The following NRG3 variants were observed in gnomAD, a reference collection of about 807,000 sequenced individuals.
NRG3 encodes neuregulin 3.
Under a neutral mutation model 66.9 loss-of-function variants are expected in NRG3, and 31 were observed. The observed-to-expected ratio is 0.46, with a 90% CI of 0.35 to 0.63. NRG3 has a LOEUF of 0.63. Ranked by LOEUF, NRG3 falls within the 20% of genes least tolerant of loss-of-function variation. The pLI is 0.00. For synonymous variants in NRG3, 393 were observed against 359.4 expected, an observed-to-expected ratio of 1.09 and a Z score of -1.06; for missense variants, 910 against 878.9, an observed-to-expected ratio of 1.04 and a Z score of -0.45.
chr10:82,718,147 C>T (rs1312406786), intron 2 of NRG3, among the ~76,000 whole-genome samples: 5 of 152,188 alleles, frequency 3.3e-5, no homozygotes, highest in Non-Finnish European at 5.9e-5. Context: ...ATCTGGTACA[C>T]CCACTGGCTT....
chr10:82,721,068 TTTTA>T (rs1053104853), intron 2 of NRG3, among the ~76,000 whole-genome samples: 8 of 150,480 alleles, frequency 5.3e-5, no homozygotes, highest in East Asian at 1.9e-4. Flanking sequence ...GCTTTTTTAT[TTTTA>T]TTTATTTGTT....
intron 1 of NRG3, among the ~76,000 whole-genome samples, chr10:82,321,310 G>GGC (rs200574445): frequency 0.016 from 2,434 of 148,484 alleles, 89 homozygotes; most frequent in African/African-American, 0.055. Flanking sequence ...GTGGGGGTGG[G>GGC]GGTCAGGGAA....
At chr10:82,366,307 C>T (rs1220314859) in intron 2 of NRG3, among the ~76,000 whole-genome samples, 1 of 152,110 alleles carries the variant, frequency 6.6e-6, no homozygotes, top group Non-Finnish European at 1.5e-5. Flanking sequence ...AAGCATATTT[C>T]AAGAATCCCG....
intron 1 of NRG3, among the ~76,000 whole-genome samples, chr10:82,129,589 A>G (rs954790192): frequency 5.3e-5 from 8 of 151,818 alleles, no homozygotes; most frequent in Admixed American, 1.3e-4. Context: ...ATTTATATAT[A>G]TTGTTGAGAT....
At position 82,882,207 on chromosome 10, in the gene NRG3, T is replaced by C. The variant is rs148132548; in HGVS notation, c.1054+16770T>C. ...CTTAGTGTATAAGGCGCTTATGTGT[T>C]CTACTGTAACTTTGCTAGATTATGG... On this transcript the variant is annotated intron_variant, in intron 4 of 8. Coordinates refer to ENST00000372141, the MANE Select transcript of NRG3 (RefSeq NM_001010848.4). 9.4e-4 allele frequency among the ~76,000 whole-genome samples: 143 copies of C among 152,316 alleles called. No homozygotes were observed. In the East Asian group the frequency reaches 0.026, roughly 28 times the overall value.
intron 2 of NRG3, among the ~76,000 whole-genome samples, chr10:82,402,765 C>T (rs1208260720): frequency 2.0e-5 from 3 of 151,940 alleles, no homozygotes; most frequent in South Asian, 2.1e-4. Context: ...GGTGCCTGTG[C>T]GTGTGTGAGT....
chr10:82,048,604 G>A (rs952724514), intron 1 of NRG3, among the ~76,000 whole-genome samples: 8 of 150,500 alleles, frequency 5.3e-5, no homozygotes, highest in Admixed American at 5.3e-4. Context: ...AAAGCAGTGT[G>A]TAGAGGGAAA....
At chr10:82,789,454 A>G (rs1219311540) in intron 3 of NRG3, among the ~76,000 whole-genome samples, 1 of 152,044 alleles carries the variant, frequency 6.6e-6, no homozygotes, top group African/African-American at 2.4e-5. Context: ...TTCTTTTTAT[A>G]TTATTTGAAG....
At chr10:82,325,676 G>A (rs760184600) in intron 1 of NRG3, among the ~76,000 whole-genome samples, 4 of 149,610 alleles carry the variant, frequency 2.7e-5, no homozygotes, top group Non-Finnish European at 4.4e-5. Context: ...TATTATTTTC[G>A]TGGTTGCTTT....
chr10:82,467,869 C>T lies in NRG3; in HGVS notation c.953+109001C>T, dbSNP rs149727049. 3.8e-3 allele frequency among the ~76,000 whole-genome samples: 577 copies of T among 152,096 alleles called. 1 individual carries two copies. The highest frequency in any genetic ancestry group is 0.013 in the African/African-American group (541 of 41,482). On this transcript the variant is annotated intron_variant, in intron 2 of 8. Coordinates refer to ENST00000372141, the MANE Select transcript of NRG3 (RefSeq NM_001010848.4). ...TAAATTTAACTTGATTTTAAGGAAA[C>T]GAGTAATATGGCCTTTGTGCCCATA...
intron 1 of NRG3, among the ~76,000 whole-genome samples, chr10:82,338,882 T>C (rs571240965): frequency 4.1e-4 from 63 of 152,226 alleles, no homozygotes; most frequent in African/African-American, 1.5e-3. Context: ...AAGCATTAAG[T>C]TGGATATTTA....
chr10:82,241,136 G>T (rs551902718), intron 1 of NRG3, among the ~76,000 whole-genome samples: 145 of 152,190 alleles, frequency 9.5e-4, no homozygotes, highest in Non-Finnish European at 1.5e-3. Flanking sequence ...ACTTTAAGGT[G>T]TGAGGACAAA....
At chr10:82,202,267 A>G (rs1389369095) in intron 1 of NRG3, among the ~76,000 whole-genome samples, 1 of 152,172 alleles carries the variant, frequency 6.6e-6, no homozygotes, top group East Asian at 1.9e-4. Flanking sequence ...GCTTTGAGGA[A>G]GAGATAGCAT....
At chr10:81,925,131 A>G (rs1846643123) in intron 1 of NRG3, among the ~76,000 whole-genome samples, 1 of 152,158 alleles carries the variant, frequency 6.6e-6, no homozygotes, top group South Asian at 2.1e-4. Context: ...ATTAATTGTT[A>G]CCACCAATTA....
intron 1 of NRG3, among the ~76,000 whole-genome samples, chr10:82,174,984 C>T (rs1377125575): frequency 6.6e-6 from 1 of 152,108 alleles, no homozygotes; most frequent in Non-Finnish European, 1.5e-5. Flanking sequence ...TTTTCCCTCT[C>T]TTTTTTAAAA....
chr10:82,889,917 G>T (rs1843002753), intron 4 of NRG3, among the ~76,000 whole-genome samples: 1 of 152,136 alleles, frequency 6.6e-6, no homozygotes, highest in Admixed American at 6.5e-5. Flanking sequence ...CAGCCTTAGA[G>T]GAATTTTTGC....
intron 1 of NRG3, among the ~76,000 whole-genome samples, chr10:81,980,107 C>T (rs986259868): frequency 2.6e-5 from 4 of 152,148 alleles, no homozygotes; most frequent in Non-Finnish European, 5.9e-5. Flanking sequence ...CTTATCTATT[C>T]CGTTTGAATA....
At chr10:82,091,684 A>G (rs1308494055) in intron 1 of NRG3, among the ~76,000 whole-genome samples, 2 of 152,200 alleles carry the variant, frequency 1.3e-5, no homozygotes, top group Non-Finnish European at 2.9e-5. Flanking sequence ...AAAAAATTGA[A>G]TTGCTGAGTC....
chr10:82,204,687 G>A (rs1057112492), intron 1 of NRG3, among the ~76,000 whole-genome samples: 1 of 152,002 alleles, frequency 6.6e-6, no homozygotes, highest in African/African-American at 2.4e-5. Context: ...TTCATTGCTA[G>A]GTATAAAATT....
Sources: allele counts gnomAD v4.1 joint callset (sites outside exome capture counted in the v4.1 genomes callset), GRCh38; gene constraint gnomAD v4.1.1; transcripts MANE v1.5; gene names NCBI Gene and HGNC (gene_info 2026-07-23, HGNC 2026-07-21).